EXOC3L2: variants seen among roughly 807,000 people sequenced by gnomAD.
EXOC3L2 encodes exocyst complex component 3-like protein 2.
EXOC3L2 carries 17 observed loss-of-function variants against 44.4 expected under a neutral mutation model. The observed-to-expected ratio is 0.38, with a 90% CI of 0.26 to 0.57. The LOEUF (loss-of-function observed/expected upper bound fraction) is 0.57, where lower values mean the gene tolerates loss of function less well. Among genes scored for constraint, EXOC3L2 ranks in the 20% least tolerant of loss-of-function variants. EXOC3L2 has a pLI of 0.65. For missense variants in EXOC3L2, 541 were observed against 588.4 expected (o/e 0.92, Z 0.83); for synonymous variants, 256 against 253.7 (o/e 1.01, Z -0.09).
chr19:45,216,000 A>G, intron 11 of EXOC3L2, 73 bp downstream of exon 11: 1 of 1,588,512 alleles, frequency 6.3e-7, no homozygotes, highest in Non-Finnish European at 8.6e-7. Flanking sequence ...CAGGAAGCAC[A>G]GGGACGGATG....
intron 2 of EXOC3L2, among the ~76,000 whole-genome samples, chr19:45,235,323 GA>G (rs1351885555): frequency 1.3e-5 from 2 of 152,044 alleles, no homozygotes; most frequent in Admixed American, 1.3e-4. Flanking sequence ...AAAAAAGAGA[GA>G]GGGGGAAAAG....
intron 11 of EXOC3L2, among the ~76,000 whole-genome samples, chr19:45,215,426 G>GTGCC (rs894489963): frequency 1.3e-5 from 2 of 151,786 alleles, no homozygotes; most frequent in Non-Finnish European, 2.9e-5. Context: ...AACCGTGATT[G>GTGCC]TGCCACTGCA....
intron 7 of EXOC3L2, among the ~76,000 whole-genome samples, 189 bp downstream of exon 7, chr19:45,227,473 G>C (rs569332522): frequency 6.6e-6 from 1 of 152,024 alleles, no homozygotes; most frequent in Admixed American, 6.6e-5. Context: ...TCTGTAATTC[G>C]AACACTCCAA....
At chr19:45,215,723 C>T (rs1969825301) in intron 11 of EXOC3L2, among the ~76,000 whole-genome samples, 1 of 152,174 alleles carries the variant, frequency 6.6e-6, no homozygotes, top group African/African-American at 2.4e-5. Context: ...GCGCCTGCCG[C>T]TGTCCCAGTG....
intron 7 of EXOC3L2, 103 bp downstream of exon 7, chr19:45,227,559 C>T: frequency 1.1e-6 from 1 of 927,442 alleles, no homozygotes; most frequent in Non-Finnish European, 1.7e-6. Flanking sequence ...CATGCTCAGA[C>T]TCCCCTGAGT....
intron 1 of EXOC3L2, among the ~76,000 whole-genome samples, chr19:45,241,499 AAAG>A (rs1970131880): frequency 6.6e-6 from 1 of 151,250 alleles, no homozygotes; most frequent in Non-Finnish European, 1.5e-5. Flanking sequence ...AAAAAAAAGA[AAAG>A]AAAAAGCACA....
At chr19:45,222,537 C>G (rs1445089093) in intron 8 of EXOC3L2, among the ~76,000 whole-genome samples, 1 of 152,050 alleles carries the variant, frequency 6.6e-6, no homozygotes, top group African/African-American at 2.4e-5. Flanking sequence ...CCCTCTGTCC[C>G]TCTGTCCCAG....
At chr19:45,236,335 G>A (rs1183500230) in intron 2 of EXOC3L2, among the ~76,000 whole-genome samples, 1 of 151,786 alleles carries the variant, frequency 6.6e-6, no homozygotes, top group Non-Finnish European at 1.5e-5. Context: ...GCATGGTGGT[G>A]CATTCCTGTA....
At chr19:45,222,015 C>A (rs1969903705) in intron 8 of EXOC3L2, among the ~76,000 whole-genome samples, 1 of 151,530 alleles carries the variant, frequency 6.6e-6, no homozygotes, top group Non-Finnish European at 1.5e-5. Flanking sequence ...TGCCTGGGCC[C>A]TGGTGATTCT....
intron 7 of EXOC3L2, 23 bp downstream of exon 7, chr19:45,227,639 C>CA (rs1376217568): frequency 6.3e-7 from 1 of 1,593,088 alleles, no homozygotes; most frequent in Non-Finnish European, 8.6e-7. Context: ...GTCCTCCCTC[C>CA]ATCACACCAT....
At position 45,234,019 on chromosome 19, in the gene EXOC3L2, G is replaced by T. The variant is rs766845327; in HGVS notation, c.1157+174C>A. 1.3e-5 allele frequency among the ~76,000 whole-genome samples: 2 copies of T among 152,210 alleles called. No individual in the cohort carries two copies. The highest frequency in any genetic ancestry group is 2.9e-5 in the Non-Finnish European group (2 of 68,034). The stretch of plus-strand genomic sequence containing the variant: ...GCTGGAACCGGAAGCCTCGGTAGCA[G>T]TGAGAGTCTAGGATTGTAACTGTCA... On this transcript the variant is annotated intron_variant, in intron 3 of 11. Coordinates refer to ENST00000413988, the MANE Select transcript of EXOC3L2 (RefSeq NM_001382422.1). The surrounding 1 kb of genome is among the most constrained non-coding windows in gnomAD (Gnocchi z 5.0).
chr19:45,231,965 T>C (rs996097941), intron 3 of EXOC3L2, 91 bp from the exon 4 acceptor site: 6 of 745,958 alleles, frequency 8.0e-6, no homozygotes, highest in Non-Finnish European at 1.3e-5. Flanking sequence ...ACTGTTTCTG[T>C]GACCCTGGGC....
Position 45,224,839 on chromosome 19 carries a change from A to G in EXOC3L2, c.1658T>C (p.Leu553Pro). The change falls in exon 8 of 12, where the codon CTG becomes CCG. Residue 553 changes from leucine to proline, a missense_variant. Leu to Pro is a moderately conservative substitution (Grantham distance 98). Transcript: ENST00000413988. ...GTGGCAGAGCCGGGTCACATGGTCCAGAGCACTAGCAGATGCTTCCCGGGC... is the reference window on the plus strand; with the variant it reads ...GTGGCAGAGCCGGGTCACATGGTCCGGAGCACTAGCAGATGCTTCCCGGGC... ...EPAREASASA[L>P]DHVTRLCHRV... 6.3e-7 allele frequency: 1 copy of G among 1,595,574 alleles called. No homozygotes were observed. Among genetic ancestry groups the G allele is most frequent in the Non-Finnish European group, 8.5e-7 (1 of 1,171,330 alleles).
At position 45,221,415 on chromosome 19, in the gene EXOC3L2, G is replaced by A. The variant is rs546384327; in HGVS notation, c.1720-3096C>T. ...TCGCCAGGCTAGGGTGCAGTGGCGC[G>A]ATCTTGGCTCACTGCAACTTCTGCC... is the stretch of plus-strand genomic sequence containing the variant. On this transcript the variant is annotated intron_variant, in intron 8 of 11. Transcript: ENST00000413988. Among the ~76,000 whole-genome samples the A allele has an allele frequency of 2.8e-4, 42 of 151,888 alleles. 1 individual carries two copies. Among genetic ancestry groups the A allele is most frequent in the Non-Finnish European group, 5.0e-4 (34 of 67,962 alleles).
At chr19:45,221,644 CT>C (rs373572170) in intron 8 of EXOC3L2, among the ~76,000 whole-genome samples, 4,099 of 91,738 alleles carry the variant, frequency 0.045, 59 homozygotes, top group African/African-American at 0.1. Context: ...CCCAGCAGGG[CT>C]TTTTTTTTTT....
chr19:45,229,301 CATATATTTATGTATTAAAT>C, intron 4 of EXOC3L2, among the ~76,000 whole-genome samples: 1 of 116,312 alleles, frequency 8.6e-6, no homozygotes, highest in Non-Finnish European at 1.7e-5. Flanking sequence ...TAAATATATA[CATATATTTATGTATTAAAT>C]ATATACATAT....
chr19:45,238,820 G>C lies in EXOC3L2; in HGVS notation c.226C>G (p.Arg76Gly), dbSNP rs528975748. The C allele has an allele frequency of 2.3e-4, 90 of 398,894 alleles. No individual in the cohort carries two copies. The South Asian group carries it at 0.011, about 47-fold the overall frequency. The allele number at this position is 398,894 out of a possible 1,614,324, so 24.7% of individuals were successfully genotyped here. ...TGCCCATCCCCAGGGCTGCCTGCCCGCCGGCCCGGGGCCCAGCCCAGCCGG... is the reference window on the plus strand; with the variant it reads ...TGCCCATCCCCAGGGCTGCCTGCCCCCCGGCCCGGGGCCCAGCCCAGCCGG... ...PFRLGWAPGR[R>G]AGSPGDGQPR... The change falls in exon 2 of 12, where the codon CGG becomes GGG. Residue 76 changes from arginine (R) to glycine (G), a missense_variant. Physicochemically the swap from Arg to Gly is moderately radical, Grantham distance 125. Coordinates refer to ENST00000413988, the MANE Select transcript of EXOC3L2 (RefSeq NM_001382422.1). This position sits in a 1 kb window ranked among gnomAD's most constrained non-coding sequence, Gnocchi z 5.5.
In EXOC3L2 at chr19:45,213,360, G is replaced by A. The variant is rs1323265695; in HGVS notation, c.2121-3C>T. On this transcript the variant is annotated splice_polypyrimidine_tract_variant and splice_region_variant and intron_variant, in intron 11 of 11. Coordinates refer to ENST00000413988, the MANE Select transcript of EXOC3L2 (RefSeq NM_001382422.1). ...GGAGGGCTGCCACGTGCTTCTGCCT[G>A]TGGGGAGAGGAACAGACAGGTGCAT... 1 of 1,613,002 alleles carries A rather than the reference G, an allele frequency of 6.2e-7. No individual in the cohort carries two copies.
intron 6 of EXOC3L2, 80 bp downstream of exon 6, chr19:45,227,894 A>G: frequency 6.7e-7 from 1 of 1,499,626 alleles, no homozygotes; most frequent in Non-Finnish European, 9.1e-7. Context: ...ACTCCCTCTC[A>G]TCTCTCCTCT....
Sources: allele counts gnomAD v4.1 joint callset (sites outside exome capture counted in the v4.1 genomes callset), GRCh38; gene constraint gnomAD v4.1.1; non-coding constraint Gnocchi (gnomAD v3.1); transcripts MANE v1.5; gene names NCBI Gene and HGNC (gene_info 2026-07-23, HGNC 2026-07-21).